The following ARHGAP32 variants were observed in gnomAD, a reference collection of about 807,000 sequenced individuals.
ARHGAP32 encodes the protein rho GTPase-activating protein 32.
A neutral mutation model predicts 186.5 loss-of-function variants in ARHGAP32; 51 were observed. The observed-to-expected ratio is 0.27, with a 90% CI of 0.22 to 0.35. The LOEUF is 0.35. Ranked by LOEUF, ARHGAP32 falls within the 10% of genes least tolerant of loss-of-function variation. The pLI, the probability that ARHGAP32 is intolerant of heterozygous loss-of-function variation, is 1.00. For synonymous variants in ARHGAP32, 950 were observed against 964.3 expected (o/e 0.99, Z 0.27); for missense variants, 2,186 against 2,623.5 (o/e 0.83, Z 3.64).
At chr11:129,243,766 A>G (rs1945051023) in intron 1 of ARHGAP32, among the ~76,000 whole-genome samples, 1 of 152,116 alleles carries the variant, frequency 6.6e-6, no homozygotes, top group African/African-American at 2.4e-5. Context: ...CCATTATCAG[A>G]ATTTTACCTC....
rs1369812738 is a variant in ARHGAP32, at chr11:129,063,885, C to A, written c.885+17G>T. On this transcript the variant is annotated intron_variant, in intron 9 of 22. Coordinates refer to ENST00000682385, the MANE Select transcript of ARHGAP32 (RefSeq NM_001378024.1). ...TTAGCAAGAACCAAATAACAAACAA[C>A]CACTTTAACTATTTACCTCTAAGGT... The A allele has an allele frequency of 1.3e-6, 2 of 1,589,336 alleles. No homozygotes were observed. Among genetic ancestry groups the A allele is most frequent in the African/African-American group, 2.7e-5 (2 of 73,614 alleles).
intron 1 of ARHGAP32, among the ~76,000 whole-genome samples, chr11:129,205,548 C>T (rs1944505281): frequency 1.3e-5 from 2 of 152,070 alleles, no homozygotes; most frequent in African/African-American, 4.8e-5. Flanking sequence ...TGTGAACTTG[C>T]ACAAGTCACC....
chr11:129,010,743 G>A (rs1176582623), intron 11 of ARHGAP32, among the ~76,000 whole-genome samples: 2 of 152,176 alleles, frequency 1.3e-5, no homozygotes, highest in Non-Finnish European at 2.9e-5. Context: ...ATATGTAACT[G>A]TGTCAAAGTA....
intron 5 of ARHGAP32, among the ~76,000 whole-genome samples, chr11:129,116,224 TCA>T (rs751041023): frequency 3.3e-5 from 5 of 152,140 alleles, no homozygotes; most frequent in East Asian, 3.9e-4. Flanking sequence ...CTCAGACTCT[TCA>T]CAGTTTCAGA....
At chr11:129,167,112 G>A (rs947635531) in intron 1 of ARHGAP32, among the ~76,000 whole-genome samples, 1 of 151,864 alleles carries the variant, frequency 6.6e-6, no homozygotes, top group Non-Finnish European at 1.5e-5. Flanking sequence ...TCTAAGAGAA[G>A]GCAGGAAATA....
chr11:128,975,771 G>A (rs73029236), intron 20 of ARHGAP32, among the ~76,000 whole-genome samples: 10,651 of 152,020 alleles, frequency 0.07, 436 homozygotes, highest in Non-Finnish European at 0.079. Flanking sequence ...TATATTGGCC[G>A]GTCACAGCGG....
intron 1 of ARHGAP32, among the ~76,000 whole-genome samples, chr11:129,259,879 GTTTTTTGT>G (rs1260583859): frequency 6.6e-6 from 1 of 151,942 alleles, no homozygotes; most frequent in Non-Finnish European, 1.5e-5. Flanking sequence ...TGTTTGTTTT[GTTTTTTGT>G]TTTTTTGTTT....
chr11:129,212,272 A>T (rs35179303), intron 1 of ARHGAP32, among the ~76,000 whole-genome samples: 3 of 152,348 alleles, frequency 2.0e-5, no homozygotes, highest in Admixed American at 2.0e-4. Flanking sequence ...TATATGATTA[A>T]TAAGAGGCTT....
chr11:128,998,919 C>A (rs953906806), intron 11 of ARHGAP32, among the ~76,000 whole-genome samples: 1 of 152,136 alleles, frequency 6.6e-6, no homozygotes, highest in African/African-American at 2.4e-5. Flanking sequence ...TCTTTGTAAA[C>A]TGAGGATGTA....
rs555019925 is a variant in ARHGAP32, at chr11:129,166,684, T to A, written c.117-2257A>T. On this transcript the variant is annotated intron_variant, in intron 1 of 22. Transcript: ENST00000682385. ...CCATTTTGAAAGCAGGTAAAACAAA[T>A]TATTTACAAATGAAAGCTGAAAAAA... 3.3e-5 allele frequency among the ~76,000 whole-genome samples: 5 copies of A among 151,460 alleles called. No individual in the cohort carries two copies. The South Asian group carries it at 6.3e-4, about 19-fold the overall frequency.
At chr11:129,098,992 A>T (rs954965163) in intron 5 of ARHGAP32, among the ~76,000 whole-genome samples, 2 of 152,218 alleles carry the variant, frequency 1.3e-5, no homozygotes, top group Non-Finnish European at 2.9e-5. Context: ...ATAAGAAAGA[A>T]ATTTAAACAT....
rs1347178873 is a variant in ARHGAP32 at position 128,974,643 on chromosome 11, T to C, written c.2554A>G (p.Thr852Ala). The stretch of plus-strand genomic sequence containing the variant: ...GGAGTCTGACATTGGCTACTACCTG[T>C]TTCTGCATCCTTTTTATTGGCACTT... ...KPSANKKDAE[T>A]GSSQCQTPGS... Residue 852 changes from threonine (T) to alanine (A), a missense_variant, in exon 21 of 23, where the codon ACA (threonine) becomes GCA (alanine). Transcript: ENST00000682385. 1 of 1,614,066 alleles carries C rather than the reference T, an allele frequency of 6.2e-7. No individual in the cohort carries two copies. The highest frequency in any genetic ancestry group is 1.7e-5 in the Admixed American group (1 of 60,004).
At chr11:129,158,394 G>A (rs1259766994) in intron 2 of ARHGAP32, among the ~76,000 whole-genome samples, 4 of 144,082 alleles carry the variant, frequency 2.8e-5, no homozygotes, top group Middle Eastern at 3.6e-3. Context: ...GCAAATGGAA[G>A]GCAAAAAAAA....
chr11:129,079,703 A>C (rs1003219182), intron 6 of ARHGAP32, among the ~76,000 whole-genome samples: 3 of 152,166 alleles, frequency 2.0e-5, no homozygotes, highest in East Asian at 1.9e-4. Context: ...CTAACAAATA[A>C]GGTATTCTGG....
chr11:129,159,943 T>TCATAACAGAACCAATAA (rs1306337617), intron 2 of ARHGAP32, among the ~76,000 whole-genome samples: 1 of 151,636 alleles, frequency 6.6e-6, no homozygotes, highest in African/African-American at 2.4e-5. Flanking sequence ...GCATAATCCA[T>TCATAACAGAACCAATAA]CATAACAGAA....
chr11:128,984,023 TA>T (rs34808282), intron 15 of ARHGAP32, among the ~76,000 whole-genome samples: 47,198 of 151,864 alleles, frequency 0.31, 7,642 homozygotes, highest in Non-Finnish European at 0.36. Context: ...TATCCTGTAA[TA>T]AAAAACATAA....
At chr11:128,995,127 C>A (rs1400720954) in intron 12 of ARHGAP32, among the ~76,000 whole-genome samples, 2 of 152,096 alleles carry the variant, frequency 1.3e-5, no homozygotes, top group Admixed American at 1.3e-4. Flanking sequence ...TCTCATATCA[C>A]CTAAGTATCC....
chr11:128,972,860 G>T lies in ARHGAP32; in HGVS notation c.3646C>A (p.Gln1216Lys). ...MPTVSFLDQD[Q>K]SPPRFYSGDQ... ...CCACTGTAGAAACGGGGTGGAGACT[G>T]GTCCTGATCCAAGAAGGAGACAGTT... The change falls in exon 22 of 23, where the codon CAG (glutamine) becomes AAG (lysine). Residue 1216 changes from glutamine to lysine, a missense_variant. This residue lies in a region of ARHGAP32 where 1,502 missense variants were observed against 1,570.0 expected (regional missense o/e 0.96). Transcript: ENST00000682385. 6.2e-7 allele frequency: 1 copy of T among 1,613,982 alleles called. No homozygotes were observed. The highest frequency in any genetic ancestry group is 8.5e-7 in the Non-Finnish European group (1 of 1,180,000).
chr11:129,058,938 GT>G (rs1483547628), intron 10 of ARHGAP32, among the ~76,000 whole-genome samples: 1 of 152,186 alleles, frequency 6.6e-6, no homozygotes, highest in Non-Finnish European at 1.5e-5. Context: ...AGTCTGAAGA[GT>G]TTTTCTCCAG....
Sources: gnomAD v4.1 joint callset for allele counts (sites outside exome capture counted in the v4.1 genomes callset) on GRCh38, gnomAD v4.1.1 for gene constraint, gnomAD v4.1.1 regional missense constraint, MANE v1.5 for transcripts, NCBI Gene and HGNC (gene_info 2026-07-23, HGNC 2026-07-21) for gene names.